PDE8A: variants seen among roughly 807,000 people sequenced by gnomAD.
The protein encoded by PDE8A is phosphodiesterase 8A, also known as high affinity cAMP-specific and IBMX-insensitive 3',5'-cyclic phosphodiesterase 8A.
Under a neutral mutation model 105.0 loss-of-function variants are expected in PDE8A, and 59 were observed. The ratio of observed to expected loss-of-function variants is 0.56; its 90% CI spans 0.46 to 0.70. The LOEUF is 0.70. Ranked by LOEUF, PDE8A falls within the 30% of genes least tolerant of loss-of-function variation. The pLI is 0.00. For missense variants in PDE8A, 1,014 were observed against 1,045.9 expected (o/e 0.97, Z 0.42); for synonymous variants, 355 against 371.9 (o/e 0.95, Z 0.52).
chr15:85,067,847 G>A (rs558355728), intron 3 of PDE8A, among the ~76,000 whole-genome samples: 12 of 152,266 alleles, frequency 7.9e-5, no homozygotes, highest in South Asian at 2.1e-4. Context: ...ATGTGGTGAC[G>A]TCAACATGGG....
At chr15:85,089,244 A>G (rs2081601884) in intron 6 of PDE8A, 94 bp from the exon 7 acceptor site, 1 of 722,216 alleles carries the variant, frequency 1.4e-6, no homozygotes, top group South Asian at 1.7e-5. Flanking sequence ...TTCCTTATAA[A>G]TCGGACAAAA....
intron 20 of PDE8A, among the ~76,000 whole-genome samples, chr15:85,133,158 A>G (rs1038036535): frequency 3.3e-5 from 5 of 152,098 alleles, no homozygotes; most frequent in African/African-American, 9.7e-5. Context: ...TAATTCCCCT[A>G]TATACACAGC....
intron 7 of PDE8A, among the ~76,000 whole-genome samples, chr15:85,089,886 A>G (rs918772144): frequency 6.6e-6 from 1 of 152,250 alleles, no homozygotes; most frequent in African/African-American, 2.4e-5. Flanking sequence ...TGCTGAATAA[A>G]TTACACATTA....
At chr15:85,086,019 T>TA (rs543939248) in intron 6 of PDE8A, among the ~76,000 whole-genome samples, 14,904 of 104,466 alleles carry the variant, frequency 0.14, 2,014 homozygotes, top group African/African-American at 0.38. Context: ...TCTCAAAAAG[T>TA]AAAAAAAAAA....
At chr15:85,013,127 G>A (rs139786973) in intron 1 of PDE8A, among the ~76,000 whole-genome samples, 2 of 152,296 alleles carry the variant, frequency 1.3e-5, no homozygotes, top group East Asian at 3.9e-4. Context: ...GCATTTGTTG[G>A]TGAGAACAGG....
At chr15:85,113,810 A>G in intron 13 of PDE8A, 63 bp from the exon 14 acceptor site, 2 of 1,297,156 alleles carry the variant, frequency 1.5e-6, no homozygotes. Context: ...ACGTACTGCC[A>G]TGCCTGGCTC....
rs1193897233 is a variant in PDE8A, at chr15:85,094,728, CCT to C, written c.853-3219_853-3218del. 3.9e-5 allele frequency among the ~76,000 whole-genome samples: 6 copies of C among 152,254 alleles called. No individual in the cohort carries two copies. The East Asian group carries it at 9.7e-4, about 25-fold the overall frequency. On this transcript the variant is annotated intron_variant, in intron 8 of 21. Transcript: ENST00000394553. ...CACAAGCATTGATGGCTGTTAAACC[CCT>C]GTTTTGAGGGTCCATTGCCTGGGCC...
chr15:85,019,611 C>T (rs1054130645), intron 1 of PDE8A, among the ~76,000 whole-genome samples: 25 of 151,896 alleles, frequency 1.6e-4, no homozygotes, highest in Middle Eastern at 3.4e-3. Context: ...GTCAGAGTTT[C>T]GCTCTTGTCA....
intron 14 of PDE8A, among the ~76,000 whole-genome samples, chr15:85,114,759 A>G (rs986756971): frequency 2.6e-5 from 4 of 152,206 alleles, no homozygotes; most frequent in East Asian, 1.9e-4. Flanking sequence ...TACAATGCTG[A>G]TAATATCTCA....
At chr15:85,059,244 C>G (rs1450034739) in intron 1 of PDE8A, among the ~76,000 whole-genome samples, 1 of 152,108 alleles carries the variant, frequency 6.6e-6, no homozygotes, top group Non-Finnish European at 1.5e-5. Context: ...TGTGTTACAT[C>G]TATCTTTTAA....
rs35165347 is a variant in PDE8A, at chr15:85,102,839, C to CAA, written c.1036+2656_1036+2657dup. Among the ~76,000 whole-genome samples the CAA allele has an allele frequency of 6.5e-3, 724 of 111,216 alleles. 2 individuals are homozygous for CAA. Among genetic ancestry groups the CAA allele is most frequent in the Non-Finnish European group, 0.01 (545 of 53,028 alleles). The allele number at this position is 111,216 out of a possible 152,430, so 73.0% of individuals were successfully genotyped here. On this transcript the variant is annotated intron_variant, in intron 11 of 21. Transcript: ENST00000394553. The stretch of plus-strand genomic sequence containing the variant: ...GGGCTACAAGAGTGAAACTCCATCT[C>CAA]AAAAAAAAAAAAAAAAGAATACCAC...
chr15:85,009,395 T>A (rs1456081076), intron 1 of PDE8A, among the ~76,000 whole-genome samples: 1 of 152,218 alleles, frequency 6.6e-6, no homozygotes, highest in Non-Finnish European at 1.5e-5. Context: ...TCCTACACAT[T>A]GTTTTCTATG....
At chr15:85,017,038 G>T (rs1186553834) in intron 1 of PDE8A, among the ~76,000 whole-genome samples, 1 of 150,670 alleles carries the variant, frequency 6.6e-6, no homozygotes, top group Non-Finnish European at 1.5e-5. Flanking sequence ...GAGGCGGGTG[G>T]ATCATGAGGT....
chr15:84,992,745 G>A (rs1567217854), intron 1 of PDE8A, among the ~76,000 whole-genome samples: 1 of 152,184 alleles, frequency 6.6e-6, no homozygotes, highest in African/African-American at 2.4e-5. Context: ...GCGGAGAGTG[G>A]AGGGTGACTC....
intron 9 of PDE8A, 91 bp from the exon 10 acceptor site, chr15:85,099,924 G>A (rs1301516233): frequency 1.0e-6 from 1 of 995,838 alleles, no homozygotes; most frequent in African/African-American, 1.6e-5. Context: ...TATTGCAAAA[G>A]GGAGGTGCCA....
chr15:85,088,651 G>A (rs2081592094), intron 6 of PDE8A, among the ~76,000 whole-genome samples: 1 of 152,222 alleles, frequency 6.6e-6, no homozygotes, highest in Non-Finnish European at 1.5e-5. Flanking sequence ...CCCACCAGCA[G>A]TGTAGGAGGG....
chr15:85,090,586 C>T (rs888859787), intron 7 of PDE8A: 12 of 222,060 alleles, frequency 5.4e-5, no homozygotes, highest in Admixed American at 2.0e-4. Flanking sequence ...TTCCCATATC[C>T]GGATAAGAGT....
intron 1 of PDE8A, among the ~76,000 whole-genome samples, chr15:85,050,916 A>G (rs574327676): frequency 1.3e-5 from 2 of 152,328 alleles, no homozygotes; most frequent in East Asian, 3.9e-4. Context: ...TGACATCTTA[A>G]CAATATTAAG....
intron 19 of PDE8A, among the ~76,000 whole-genome samples, chr15:85,123,901 TAGAC>T (rs1264244885): frequency 1.3e-5 from 2 of 152,224 alleles, no homozygotes; most frequent in Non-Finnish European, 2.9e-5. Flanking sequence ...AAGCTAACTT[TAGAC>T]AGACTATTCC....
Sources: allele counts gnomAD v4.1 joint callset (sites outside exome capture counted in the v4.1 genomes callset), GRCh38; gene constraint gnomAD v4.1.1; transcripts MANE v1.5; gene names NCBI Gene and HGNC (gene_info 2026-07-23, HGNC 2026-07-21).